The following OSBPL10 variants were observed in gnomAD, a reference collection of about 807,000 sequenced individuals.
The protein encoded by OSBPL10 is oxysterol binding protein like 10.
A neutral mutation model predicts 81.7 loss-of-function variants in OSBPL10; 49 were observed. The observed-to-expected ratio is 0.60, with a 90% CI of 0.48 to 0.76. OSBPL10 has a LOEUF of 0.76. OSBPL10 is among the 30% of genes least tolerant of loss of function. The pLI is 0.00. For synonymous variants in OSBPL10, 419 were observed against 383.6 expected (o/e 1.09, Z -1.08); for missense variants, 923 against 987.8 (o/e 0.93, Z 0.88).
chr3:31,815,516 G>T (rs1392496299), intron 4 of OSBPL10, among the ~76,000 whole-genome samples: 1 of 152,142 alleles, frequency 6.6e-6, no homozygotes, highest in Non-Finnish European at 1.5e-5. Context: ...GTCCTGGCAG[G>T]GGGGCAGAGA....
At chr3:31,828,004 A>T (rs1160617926) in intron 4 of OSBPL10, among the ~76,000 whole-genome samples, 2 of 151,426 alleles carry the variant, frequency 1.3e-5, no homozygotes, top group African/African-American at 4.9e-5. Context: ...CAAGTCCTAC[A>T]TTTTTTTTTC....
rs929136525 is a variant in OSBPL10, at chr3:31,797,228, C to T, written c.729+32812G>A. ...CAGGATGGTCTCGATCTCCTGACCT[C>T]GTGATCCGGCCTCTTCGGCCTCCCG... On this transcript the variant is annotated intron_variant, in intron 4 of 11. Coordinates refer to ENST00000396556, the MANE Select transcript of OSBPL10 (RefSeq NM_017784.5). Among the ~76,000 whole-genome samples, 34 of 151,998 alleles carry T rather than the reference C, an allele frequency of 2.2e-4. 1 individual carries two copies. Among genetic ancestry groups the T allele is most frequent in the African/African-American group, 8.0e-4 (33 of 41,394 alleles).
chr3:31,811,477 G>T (rs996282098), intron 4 of OSBPL10, among the ~76,000 whole-genome samples: 7 of 152,218 alleles, frequency 4.6e-5, no homozygotes, highest in African/African-American at 9.6e-5. Flanking sequence ...AAAGATCACA[G>T]GGAGGGTTCT....
Position 31,683,870 on chromosome 3 carries a change from C to G in OSBPL10, c.1490G>C (p.Arg497Thr). Residue 497 changes from arginine to threonine, a missense_variant, in exon 8 of 12, where the codon AGG (arginine) becomes ACG (threonine). Around this residue, in one of 3 missense-constraint regions of OSBPL10, gnomAD observed 387 missense variants for 436.3 expected, o/e 0.89. Transcript: ENST00000396556. ...GGAAGCAGTCCTCTTAGGCTTGACC[C>G]TGTCCTTGGGAACTTCCCAGGAGCA... ...FHCSWEVPKD[R>T]VKPKRTASRS... is the part of the protein sequence containing the mutation. 2.5e-6 allele frequency: 4 copies of G among 1,614,228 alleles called. No individual in the cohort carries two copies. The highest frequency in any genetic ancestry group is 1.7e-6 in the Non-Finnish European group (2 of 1,180,054).
At chr3:31,673,194 G>A (rs776103673) in intron 8 of OSBPL10, among the ~76,000 whole-genome samples, 1 of 152,186 alleles carries the variant, frequency 6.6e-6, no homozygotes, top group Non-Finnish European at 1.5e-5. Flanking sequence ...GAGGAATGTT[G>A]TGTTCTGAGG....
At chr3:31,663,536 A>G in intron 11 of OSBPL10, 2 of 1,000,638 alleles carry the variant, frequency 2.0e-6, no homozygotes, top group Non-Finnish European at 2.4e-6. Flanking sequence ...TCTAGCTTCT[A>G]GTGTCACATT....
At chr3:31,699,735 G>C (rs113001685) in intron 7 of OSBPL10, among the ~76,000 whole-genome samples, 20 of 152,186 alleles carry the variant, frequency 1.3e-4, no homozygotes, top group African/African-American at 4.3e-4. Flanking sequence ...GTGAACCATC[G>C]CAAGATACAG....
chr3:31,921,217 A>G (rs960994713), intron 1 of OSBPL10, among the ~76,000 whole-genome samples: 8 of 152,232 alleles, frequency 5.3e-5, no homozygotes, highest in Non-Finnish European at 1.0e-4. Flanking sequence ...ATGTGTATAT[A>G]TACACCTTAG....
intron 2 of OSBPL10, among the ~76,000 whole-genome samples, chr3:32,043,643 T>C (rs558606371): frequency 6.6e-6 from 1 of 152,174 alleles, no homozygotes; most frequent in African/African-American, 2.4e-5. Flanking sequence ...CACAACACTA[T>C]CACTCCTTTC....
chr3:31,953,039 G>C (rs1013343397), intron 1 of OSBPL10, among the ~76,000 whole-genome samples: 1 of 148,782 alleles, frequency 6.7e-6, no homozygotes, highest in Non-Finnish European at 1.5e-5. Flanking sequence ...TTCAAGCAAT[G>C]CTCCGCCTCA....
chr3:31,759,474 A>T (rs996542371), intron 4 of OSBPL10, among the ~76,000 whole-genome samples: 2 of 152,244 alleles, frequency 1.3e-5, no homozygotes, highest in Non-Finnish European at 2.9e-5. Context: ...TACTCATCAT[A>T]GAAAAAGAAA....
chr3:31,760,566 T>G (rs1020617456), intron 4 of OSBPL10, among the ~76,000 whole-genome samples: 2 of 152,228 alleles, frequency 1.3e-5, no homozygotes, highest in African/African-American at 4.8e-5. Flanking sequence ...AGAAAAAGTT[T>G]GTACATGTTC....
At chr3:31,940,942 C>T (rs1217284377) in intron 1 of OSBPL10, among the ~76,000 whole-genome samples, 1 of 152,106 alleles carries the variant, frequency 6.6e-6, no homozygotes, top group African/African-American at 2.4e-5. Flanking sequence ...CTGGCCAACT[C>T]TCTCATCTTA....
intron 1 of OSBPL10, among the ~76,000 whole-genome samples, chr3:32,073,036 T>A (rs1699843244): frequency 6.6e-6 from 1 of 152,144 alleles, no homozygotes; most frequent in Non-Finnish European, 1.5e-5. Context: ...AATGGTCTTT[T>A]AAAGACACAC....
At chr3:31,700,177 T>C (rs960931878) in intron 7 of OSBPL10, 2 of 152,192 alleles carry the variant, frequency 1.3e-5, no homozygotes, top group African/African-American at 4.8e-5. Context: ...CAGGAAACGT[T>C]ATTCTTTCAG....
Position 31,687,678 on chromosome 3 carries a change from C to T in OSBPL10, c.1246-3564G>A, listed in dbSNP as rs116502763. Among the ~76,000 whole-genome samples the T allele has an allele frequency of 2.2e-3, 340 of 152,204 alleles. 2 individuals carry two copies. The highest frequency in any genetic ancestry group is 7.9e-3 in the African/African-American group (327 of 41,540). ...AAGTCCCTGCCATTACCCCATGACA[C>T]ATCATGATTATCTGCTTCTGGTTAA... On this transcript the variant is annotated intron_variant, in intron 7 of 11. Transcript: ENST00000396556.
chr3:32,058,416 C>T (rs1023357692), intron 1 of OSBPL10, among the ~76,000 whole-genome samples: 2 of 152,130 alleles, frequency 1.3e-5, no homozygotes, highest in East Asian at 3.9e-4. Context: ...CAACCTCTGC[C>T]TCTTGGGTTC....
At chr3:31,860,250 A>C (rs1701026132) in intron 3 of OSBPL10, among the ~76,000 whole-genome samples, 1 of 152,192 alleles carries the variant, frequency 6.6e-6, no homozygotes, top group Non-Finnish European at 1.5e-5. Context: ...GTCACCAGTC[A>C]CCAGACCTAT....
At position 31,830,310 on chromosome 3, in the gene OSBPL10, A is replaced by G; in HGVS notation, c.538-79T>C. 2.2e-6 allele frequency: 3 copies of G among 1,395,210 alleles called. No homozygotes were observed. In the East Asian group the frequency reaches 7.1e-5, roughly 33 times the overall value. The allele number at this position is 1,395,210 out of a possible 1,614,324, so 86.4% of individuals were successfully genotyped here. On this transcript the variant is annotated intron_variant, in intron 3 of 11. Coordinates refer to ENST00000396556, the MANE Select transcript of OSBPL10 (RefSeq NM_017784.5). ...AAGTGTTGGCTTCTATTCATTTTGG[A>G]CCTCTTCATCTTTCCCCTTCCTCTC...
Sources: gnomAD v4.1 joint callset for allele counts (sites outside exome capture counted in the v4.1 genomes callset) on GRCh38, gnomAD v4.1.1 for gene constraint, gnomAD v4.1.1 regional missense constraint, MANE v1.5 for transcripts, NCBI Gene and HGNC (gene_info 2026-07-23, HGNC 2026-07-21) for gene names.